The following CLCN5 variants were observed in gnomAD, a reference collection of about 807,000 sequenced individuals.
The protein encoded by CLCN5 is H(+)/Cl(-) exchange transporter 5.
In CLCN5, 17 loss-of-function variants were observed where a neutral mutation model predicts 54.0. That is an observed-to-expected ratio of 0.31 (90% confidence interval 0.22 to 0.47). The LOEUF (loss-of-function observed/expected upper bound fraction) is 0.47. CLCN5 is among the 20% of genes least tolerant of loss of function. CLCN5 has a pLI of 1.00. For synonymous variants in CLCN5, 222 were observed against 233.0 expected, an observed-to-expected ratio of 0.95 and a Z score of 0.43; for missense variants, 448 against 646.7, an observed-to-expected ratio of 0.69 and a Z score of 3.33.
chrX:49,939,016 A>C (rs1926168209), intron 3 of CLCN5, among the ~76,000 whole-genome samples: 1 of 108,046 alleles, frequency 9.3e-6, no homozygotes, highest in Non-Finnish European at 1.9e-5. Context: ...ACATTTATGC[A>C]GCCAAGAAAC....
intron 5 of CLCN5, among the ~76,000 whole-genome samples, chrX:50,071,039 A>C (rs1311221275): frequency 4.6e-5 from 5 of 109,346 alleles, no homozygotes; most frequent in Non-Finnish European, 9.5e-5. Flanking sequence ...TCCAGATTTG[A>C]AATGTGATTT....
chrX:50,086,733 G>A lies in CLCN5; in HGVS notation c.1420G>A (p.Glu474Lys). The change falls in exon 11 of 15, where the codon GAG becomes AAG. Residue 474 changes from glutamate (E) to lysine (K), a missense_variant. Physicochemically the swap from Glu to Lys is moderately conservative, Grantham distance 56. This residue lies in a region of CLCN5 where 297 missense variants were observed against 470.4 expected (regional missense o/e 0.63). Coordinates refer to ENST00000376091, the MANE Select transcript of CLCN5 (RefSeq NM_001127898.4). ...LLDSSKLCDYENRFNTSKGGE... is the reference protein window; with the variant it reads ...LLDSSKLCDYKNRFNTSKGGE... ...GGACTCCTCCAAGCTCTGTGATTAT[G>A]AGAACCGTTTCAACACAAGCAAAGG... 2 of 1,211,395 alleles carry A rather than the reference G, an allele frequency of 1.7e-6. No homozygotes were observed. Among genetic ancestry groups the A allele is most frequent in the Non-Finnish European group, 2.2e-6 (2 of 895,488 alleles).
At chrX:50,081,550 G>A (rs1308801103) in intron 8 of CLCN5, 91 bp from the exon 9 acceptor site, 3 of 661,447 alleles carry the variant, frequency 4.5e-6, no homozygotes, top group Non-Finnish European at 7.4e-6. Context: ...TATTCAAAAG[G>A]TGCAGTTTCT....
rs146480461 is a variant in CLCN5, at chrX:49,999,063, C to T, written c.17-43253C>T. Reference sequence around the variant, plus strand: ...TCCAGAGTCGAGATTGTTTAGTGCCCTTCTTACAGGCCTTGTTGGCAAGAG... The same window carrying T: ...TCCAGAGTCGAGATTGTTTAGTGCCTTTCTTACAGGCCTTGTTGGCAAGAG... On this transcript the variant is annotated intron_variant, in intron 3 of 14. Coordinates refer to ENST00000376091, the MANE Select transcript of CLCN5 (RefSeq NM_001127898.4). 7.0e-3 allele frequency among the ~76,000 whole-genome samples: 762 copies of T among 108,838 alleles called. 11 individuals carry two copies. The highest frequency in any genetic ancestry group is 0.025 in the African/African-American group (742 of 29,675). 94.5% of individuals were successfully genotyped at this position (108,838 alleles called of 115,157 possible). A position where few individuals can be genotyped will look rare whatever the true frequency, so the allele number is the denominator to read the frequency against.
At chrX:49,935,267 C>T (rs782053436) in intron 3 of CLCN5, among the ~76,000 whole-genome samples, 1 of 112,108 alleles carries the variant, frequency 8.9e-6, no homozygotes, top group East Asian at 2.8e-4. Context: ...ACATTCCTAG[C>T]AACTACCTGC....
At chrX:49,932,025 C>G (rs782633719) in intron 3 of CLCN5, among the ~76,000 whole-genome samples, 1 of 111,584 alleles carries the variant, frequency 9.0e-6, no homozygotes, top group African/African-American at 3.3e-5. Flanking sequence ...AAGCAGTCCT[C>G]CCACCTCAGC....
At chrX:50,063,484 C>A (rs1932898899) in intron 4 of CLCN5, among the ~76,000 whole-genome samples, 1 of 106,974 alleles carries the variant, frequency 9.3e-6, no homozygotes, top group Non-Finnish European at 1.9e-5. Flanking sequence ...CTGAATAGAC[C>A]AATAACAGGA....
chrX:50,095,574 C>G lies in CLCN5; in HGVS notation c.*3355C>G, dbSNP rs782747894. 5 of 112,509 alleles carry G rather than the reference C, an allele frequency of 4.4e-5. No homozygotes were observed. Among genetic ancestry groups the G allele is most frequent in the African/African-American group, 1.6e-4 (5 of 31,044 alleles). 9.3% of individuals were successfully genotyped at this position (112,509 alleles called of 1,213,427 possible). On this transcript the variant is annotated 3_prime_UTR_variant, in exon 15 of 15. Transcript: ENST00000376091. The stretch of plus-strand genomic sequence containing the variant: ...ATTAATTTGTGATTGAACTGAAAAG[C>G]AGTTGAATTGTTTTGACACCAGAGG...
intron 4 of CLCN5, among the ~76,000 whole-genome samples, chrX:50,053,820 A>C (rs1932662813): frequency 9.0e-6 from 1 of 111,101 alleles, no homozygotes; most frequent in Admixed American, 9.7e-5. Context: ...TTTTCCAGCT[A>C]TTTTTCTGTT....
At chrX:49,940,329 C>T (rs1436357443) in intron 3 of CLCN5, among the ~76,000 whole-genome samples, 8 of 111,997 alleles carry the variant, frequency 7.1e-5, no homozygotes, top group Non-Finnish European at 1.9e-5. Context: ...TGGCATGACA[C>T]TTTCATGTTC....
chrX:50,047,579 T>A (rs1456908059), intron 4 of CLCN5, among the ~76,000 whole-genome samples: 7 of 111,585 alleles, frequency 6.3e-5, no homozygotes, highest in African/African-American at 2.3e-4. Context: ...TTTAATTAGC[T>A]AAAGTACATA....
At chrX:50,055,010 G>A (rs192369122) in intron 4 of CLCN5, among the ~76,000 whole-genome samples, 5 of 111,394 alleles carry the variant, frequency 4.5e-5, no homozygotes, top group African/African-American at 9.8e-5. Flanking sequence ...TACTGTAGCC[G>A]TATGAGTATA....
At chrX:50,016,404 G>T (rs1930791332) in intron 3 of CLCN5, among the ~76,000 whole-genome samples, 1 of 110,614 alleles carries the variant, frequency 9.0e-6, no homozygotes, top group African/African-American at 3.3e-5. Context: ...CAAAAAGATT[G>T]AATGGAAAGT....
intron 3 of CLCN5, among the ~76,000 whole-genome samples, chrX:49,986,488 A>G (rs781918948): frequency 2.0e-4 from 22 of 112,003 alleles, no homozygotes; most frequent in Non-Finnish European, 3.8e-4. Context: ...TTTCAGTGAC[A>G]TGAAAATAAA....
chrX:49,933,061 A>G (rs1283097890), intron 3 of CLCN5, among the ~76,000 whole-genome samples: 1 of 110,854 alleles, frequency 9.0e-6, no homozygotes, highest in Non-Finnish European at 1.9e-5. Context: ...AAGAGAAGCC[A>G]TCTGGTCCTG....
At chrX:49,976,494 C>G (rs1051016723) in intron 3 of CLCN5, among the ~76,000 whole-genome samples, 2 of 112,164 alleles carry the variant, frequency 1.8e-5, no homozygotes, top group African/African-American at 6.5e-5. Context: ...ATAGTTAAGA[C>G]TCCTGAAATG....
chrX:50,086,537 C>T lies in CLCN5; in HGVS notation c.1224C>T (p.Arg408=), dbSNP rs1338311158. Residue 408 remains arginine (R), a synonymous_variant, in exon 11 of 15, where the codon CGC becomes CGT. Transcript: ENST00000376091. ...GTCTGTGGGGAGCACTGTTTATCCG[C>T]ACAAACATTGCCTGGTGTCGGAAGC... is the stretch of plus-strand genomic sequence containing the variant. ...FGGLWGALFI[R]TNIAWCRKRK... 6 of 1,208,450 alleles carry T rather than the reference C, an allele frequency of 5.0e-6. No individual in the cohort carries two copies. In the Admixed American group the frequency reaches 1.1e-4, roughly 22 times the overall value.
At chrX:50,034,109 A>T (rs782635522) in intron 3 of CLCN5, among the ~76,000 whole-genome samples, 7 of 112,367 alleles carry the variant, frequency 6.2e-5, no homozygotes, top group Non-Finnish European at 1.3e-4. Context: ...GCACTCAGAG[A>T]TTAACATGCA....
At chrX:49,942,426 T>C (rs371839865) in intron 3 of CLCN5, among the ~76,000 whole-genome samples, 8 of 108,399 alleles carry the variant, frequency 7.4e-5, no homozygotes, top group South Asian at 4.2e-4. Context: ...TATTATACTT[T>C]AAGTTTTAGG....
Sources: gnomAD v4.1 joint callset for allele counts (sites outside exome capture counted in the v4.1 genomes callset) on GRCh38, gnomAD v4.1.1 for gene constraint, gnomAD v4.1.1 regional missense constraint, MANE v1.5 for transcripts, NCBI Gene and HGNC (gene_info 2026-07-23, HGNC 2026-07-21) for gene names.